SLC4A4: variants seen among roughly 807,000 people sequenced by gnomAD.
SLC4A4 encodes the protein electrogenic sodium bicarbonate cotransporter 1.
Under a neutral mutation model 111.5 loss-of-function variants are expected in SLC4A4, and 27 were observed. The ratio of observed to expected loss-of-function variants is 0.24; its 90% CI spans 0.18 to 0.33. The LOEUF is 0.33. SLC4A4 is among the 10% of genes least tolerant of loss of function. The pLI is 1.00. For synonymous variants in SLC4A4, 443 were observed against 463.4 expected (o/e 0.96, Z 0.57); for missense variants, 909 against 1,315.5 (o/e 0.69, Z 4.78).
intron 1 of SLC4A4, among the ~76,000 whole-genome samples, chr4:71,089,810 G>T (rs1408744443): frequency 6.6e-6 from 1 of 151,904 alleles, no homozygotes; most frequent in African/African-American, 2.4e-5. Context: ...TGCCCCTACT[G>T]GGGGGTGCTC....
chr4:71,299,545 T>C (rs535218714), intron 3 of SLC4A4, among the ~76,000 whole-genome samples: 1 of 152,288 alleles, frequency 6.6e-6, no homozygotes, highest in East Asian at 1.9e-4. Context: ...GCTCTCAGGA[T>C]GATCAGAGAG....
At chr4:71,489,605 A>T (rs1161660189) in intron 15 of SLC4A4, among the ~76,000 whole-genome samples, 1 of 151,792 alleles carries the variant, frequency 6.6e-6, no homozygotes, top group Non-Finnish European at 1.5e-5. Context: ...CAGCCTCCAT[A>T]ACTCAGAAGT....
At chr4:71,095,868 A>T (rs1742531750) in intron 2 of SLC4A4, among the ~76,000 whole-genome samples, 1 of 152,206 alleles carries the variant, frequency 6.6e-6, no homozygotes, top group African/African-American at 2.4e-5. Flanking sequence ...TCTGGAAGGG[A>T]TATGTAGTCT....
At chr4:71,137,732 C>T (rs1039140960) in intron 2 of SLC4A4, among the ~76,000 whole-genome samples, 2 of 152,184 alleles carry the variant, frequency 1.3e-5, no homozygotes, top group African/African-American at 4.8e-5. Flanking sequence ...GGTTTCATCA[C>T]AGAAAAAGAA....
intron 18 of SLC4A4, 149 bp downstream of exon 18, chr4:71,534,537 T>C: frequency 1.4e-6 from 1 of 711,310 alleles, no homozygotes; most frequent in Admixed American, 2.2e-5. Context: ...TCACTTTGTA[T>C]TGGTACATGT....
intron 1 of SLC4A4, among the ~76,000 whole-genome samples, chr4:71,222,748 G>A (rs1718822015): frequency 6.6e-6 from 1 of 152,226 alleles, no homozygotes; most frequent in Admixed American, 6.5e-5. Flanking sequence ...ATAGTGAACT[G>A]TGCTCATAAA....
chr4:71,452,505 G>A lies in SLC4A4; in HGVS notation c.1323-990G>A, dbSNP rs566924501. Among the ~76,000 whole-genome samples the A allele has an allele frequency of 5.9e-5, 9 of 152,278 alleles. No individual in the cohort carries two copies. In the East Asian group the frequency reaches 1.2e-3, roughly 20 times the overall value. On this transcript the variant is annotated intron_variant, in intron 11 of 25. Transcript: ENST00000264485. ...AAGCAGGGCACTGAGTGCGGCTAAG[G>A]TCCAGTGGTTGTGCAGACAGATAGA...
chr4:71,481,892 G>A (rs1453689029), intron 14 of SLC4A4, among the ~76,000 whole-genome samples: 1 of 147,782 alleles, frequency 6.8e-6, no homozygotes, highest in African/African-American at 2.5e-5. Flanking sequence ...TGTCCCAGTG[G>A]TAATTGGCTA....
chr4:71,539,381 G>C (rs1009407738), intron 18 of SLC4A4, among the ~76,000 whole-genome samples: 1 of 151,624 alleles, frequency 6.6e-6, no homozygotes, highest in Non-Finnish European at 1.5e-5. Context: ...ACTTCCATTT[G>C]TCCTAGCCTG....
intron 3 of SLC4A4, among the ~76,000 whole-genome samples, chr4:71,261,502 T>A (rs888234650): frequency 6.6e-6 from 1 of 152,226 alleles, no homozygotes; most frequent in African/African-American, 2.4e-5. Context: ...GGCATACTTG[T>A]GTTTTTGATG....
chr4:71,381,537 A>G (rs888311888), intron 6 of SLC4A4, among the ~76,000 whole-genome samples: 1 of 152,156 alleles, frequency 6.6e-6, no homozygotes, highest in African/African-American at 2.4e-5. Context: ...TTTAGTGGCG[A>G]TAATTTTATC....
rs1744323304 is a variant in SLC4A4, at chr4:71,151,917, A to T, written c.-2+59125A>T. 2.0e-5 allele frequency among the ~76,000 whole-genome samples: 3 copies of T among 152,068 alleles called. No individual in the cohort carries two copies. The South Asian group carries it at 6.2e-4, about 32-fold the overall frequency. Reference sequence around the variant, plus strand: ...CTCTACTAAAAATACAAAAATTTTTATTAGAGGTGTGGTGGTGTACACCTG... The same window carrying T: ...CTCTACTAAAAATACAAAAATTTTTTTTAGAGGTGTGGTGGTGTACACCTG... On this transcript the variant is annotated intron_variant, in intron 2 of 26. Coordinates refer to the SLC4A4 transcript ENST00000649996.
chr4:71,382,440 A>G (rs946845043), intron 6 of SLC4A4, among the ~76,000 whole-genome samples: 1 of 152,214 alleles, frequency 6.6e-6, no homozygotes, highest in East Asian at 1.9e-4. Context: ...GAAGCTATAC[A>G]TATTTAAGTG....
chr4:71,523,944 A>T (rs988900630), intron 16 of SLC4A4, among the ~76,000 whole-genome samples: 1 of 152,078 alleles, frequency 6.6e-6, no homozygotes, highest in Non-Finnish European at 1.5e-5. Context: ...CACTGCTGAC[A>T]TGTGAGCTTC....
intron 1 of SLC4A4, among the ~76,000 whole-genome samples, chr4:71,223,229 G>A (rs1718853455): frequency 6.6e-6 from 1 of 151,248 alleles, no homozygotes; most frequent in East Asian, 1.9e-4. Flanking sequence ...AGGCTGGAGT[G>A]CAGTGGCGCG....
chr4:71,267,796 A>AAAAAAAAAAAAG (rs1722389495), intron 3 of SLC4A4, among the ~76,000 whole-genome samples: 1 of 42,224 alleles, frequency 2.4e-5, no homozygotes, highest in Non-Finnish European at 1.4e-4. Context: ...TCTGCCAAAA[A>AAAAAAAAAAAAG]AAAAAAAAAA....
At chr4:71,445,894 CAAA>C (rs1725183259) in intron 8 of SLC4A4, among the ~76,000 whole-genome samples, 1 of 152,150 alleles carries the variant, frequency 6.6e-6, no homozygotes, top group African/African-American at 2.4e-5. Flanking sequence ...TTCGAAGGGA[CAAA>C]AGTTCTAGTG....
chr4:71,300,259 A>T, intron 3 of SLC4A4: 1 of 207,388 alleles, frequency 4.8e-6, no homozygotes, highest in Non-Finnish European at 1.0e-5. Context: ...GTCAGGGACT[A>T]GCGTCTGCCA....
chr4:71,547,600 G>T lies in SLC4A4; in HGVS notation c.2622-48G>T, dbSNP rs769363663. 3 of 1,465,086 alleles carry T rather than the reference G, an allele frequency of 2.0e-6. No individual in the cohort carries two copies. In the African/African-American group the frequency reaches 4.2e-5, roughly 20 times the overall value. The allele number at this position is 1,465,086 out of a possible 1,614,324, so 90.8% of individuals were successfully genotyped here. A position where few individuals can be genotyped will look rare whatever the true frequency, so the allele number is the denominator to read the frequency against. On this transcript the variant is annotated intron_variant, in intron 19 of 25. Coordinates refer to ENST00000264485, the MANE Select transcript of SLC4A4 (RefSeq NM_001098484.3). Reference sequence around the variant, plus strand: ...TTTGAAGGTGAAAAGACAAGAGCATGTTTATGAAGACAAGAGGTAGATTGG... The same window carrying T: ...TTTGAAGGTGAAAAGACAAGAGCATTTTTATGAAGACAAGAGGTAGATTGG...
Sources: allele counts gnomAD v4.1 joint callset (sites outside exome capture counted in the v4.1 genomes callset), GRCh38; gene constraint gnomAD v4.1.1; transcripts MANE v1.5; gene names NCBI Gene and HGNC (gene_info 2026-07-23, HGNC 2026-07-21).